Variants in COL23A1 observed in about 807,000 individuals in gnomAD.
COL23A1 encodes collagen type XXIII alpha 1 chain.
In COL23A1, 97 loss-of-function variants were observed where a neutral mutation model predicts 99.3. The observed-to-expected ratio is 0.98, with a 90% CI of 0.83 to 1.16. The LOEUF (loss-of-function observed/expected upper bound fraction) is 1.16, where lower values mean the gene tolerates loss of function less well. COL23A1 is among the 50% of genes most tolerant of loss of function. The probability of loss-of-function intolerance (pLI) is 0.00; values close to 1 mark genes in which losing one functional copy is unlikely to be tolerated. For missense variants in COL23A1, 762 were observed against 757.4 expected (o/e 1.01, Z -0.07); for synonymous variants, 320 against 308.2 (o/e 1.04, Z -0.40).
chr5:178,284,697 A>G (rs546807468), intron 5 of COL23A1, among the ~76,000 whole-genome samples: 14 of 152,348 alleles, frequency 9.2e-5, no homozygotes, highest in Non-Finnish European at 2.1e-4. Flanking sequence ...GATCAAATAC[A>G]ATGTAGCCAT....
chr5:178,541,595 C>A (rs1268440142), intron 2 of COL23A1, among the ~76,000 whole-genome samples: 1 of 152,156 alleles, frequency 6.6e-6, no homozygotes, highest in African/African-American at 2.4e-5. Flanking sequence ...GAACTATTTA[C>A]TAAACATAAC....
At chr5:178,530,594 T>A (rs1358257695) in intron 2 of COL23A1, among the ~76,000 whole-genome samples, 1 of 152,108 alleles carries the variant, frequency 6.6e-6, no homozygotes, top group Non-Finnish European at 1.5e-5. Flanking sequence ...CGATGCAGCC[T>A]CCTCCCAGCT....
chr5:178,581,565 CAAA>C (rs200146446), intron 1 of COL23A1, among the ~76,000 whole-genome samples: 4 of 110,714 alleles, frequency 3.6e-5, no homozygotes, highest in Non-Finnish European at 3.8e-5. Flanking sequence ...GATTCCGTCT[CAAA>C]AAAAAAAAAA....
At chr5:178,579,003 T>C (rs1349257306) in intron 1 of COL23A1, among the ~76,000 whole-genome samples, 5 of 152,160 alleles carry the variant, frequency 3.3e-5, no homozygotes, top group Non-Finnish European at 7.4e-5. Flanking sequence ...AACCAAAAAA[T>C]GGGGTCATGA....
At chr5:178,315,674 C>T (rs1038275689) in intron 2 of COL23A1, among the ~76,000 whole-genome samples, 2 of 151,570 alleles carry the variant, frequency 1.3e-5, no homozygotes, top group Non-Finnish European at 2.9e-5. Flanking sequence ...CCGGATCAGA[C>T]TGTCAGAGCT....
chr5:178,566,056 A>C (rs1397236590), intron 1 of COL23A1, among the ~76,000 whole-genome samples: 1 of 152,154 alleles, frequency 6.6e-6, no homozygotes, highest in East Asian at 1.9e-4. Context: ...TGAACCCGGA[A>C]GGCAGAGGTT....
At chr5:178,408,975 T>TACACACACACACAC (rs61457266) in intron 2 of COL23A1, among the ~76,000 whole-genome samples, 5 of 101,648 alleles carry the variant, frequency 4.9e-5, no homozygotes, top group African/African-American at 1.2e-4. Context: ...AAAAAAAAAA[T>TACACACACACACAC]ACACACACAC....
At chr5:178,420,422 T>G (rs1387259053) in intron 2 of COL23A1, among the ~76,000 whole-genome samples, 1 of 25,810 alleles carries the variant, frequency 3.9e-5, no homozygotes, top group Admixed American at 5.3e-4. Context: ...TGACCTCCCT[T>G]CTCCCCTCCC....
intron 22 of COL23A1, 78 bp from the exon 23 acceptor site, chr5:178,246,531 G>A: frequency 1.4e-6 from 2 of 1,419,320 alleles, no homozygotes; most frequent in East Asian, 5.0e-5. Context: ...GAGACTGCAA[G>A]GGAGCTGGGA....
chr5:178,265,366 T>C (rs73338889), intron 8 of COL23A1, among the ~76,000 whole-genome samples: 84 of 152,304 alleles, frequency 5.5e-4, no homozygotes, highest in African/African-American at 1.9e-3. Context: ...ATTCCTGTTT[T>C]AATTTGCACT....
chr5:178,583,398 C>CT (rs1246914106), intron 1 of COL23A1, among the ~76,000 whole-genome samples: 4 of 152,312 alleles, frequency 2.6e-5, no homozygotes, highest in African/African-American at 7.2e-5. Flanking sequence ...TCTCCCTTTT[C>CT]TTCCAATAAC....
At chr5:178,448,667 A>G (rs1243399837) in intron 2 of COL23A1, among the ~76,000 whole-genome samples, 2 of 152,228 alleles carry the variant, frequency 1.3e-5, no homozygotes, top group Non-Finnish European at 2.9e-5. Context: ...CACTCCAGCA[A>G]TAATGGCATT....
chr5:178,452,195 G>T (rs1272668822), intron 2 of COL23A1, among the ~76,000 whole-genome samples: 5 of 152,130 alleles, frequency 3.3e-5, no homozygotes, highest in Non-Finnish European at 5.9e-5. Context: ...TCCAAAAGTA[G>T]ACAAAACTGT....
chr5:178,446,459 G>C (rs1767163208), intron 2 of COL23A1, among the ~76,000 whole-genome samples: 1 of 151,898 alleles, frequency 6.6e-6, no homozygotes, highest in Non-Finnish European at 1.5e-5. Context: ...GAAAAAGCAA[G>C]ATTATATAGT....
At chr5:178,563,824 G>A (rs149196319) in intron 1 of COL23A1, among the ~76,000 whole-genome samples, 1 of 151,972 alleles carries the variant, frequency 6.6e-6, no homozygotes, top group Non-Finnish European at 1.5e-5. Context: ...GAGTCACCGC[G>A]CCCAGCCAGA....
rs1758553532 is a variant in COL23A1, at chr5:178,309,530, T to C, written c.362-2611A>G. Among the ~76,000 whole-genome samples, 1 of 152,104 alleles carries C rather than the reference T, an allele frequency of 6.6e-6. No homozygotes were observed. The highest frequency in any genetic ancestry group is 2.4e-5 in the African/African-American group (1 of 41,398). On this transcript the variant is annotated intron_variant, in intron 2 of 28. Coordinates refer to ENST00000390654, the MANE Select transcript of COL23A1 (RefSeq NM_173465.4). This position sits in a 1 kb window ranked among gnomAD's most constrained non-coding sequence, Gnocchi z 4.7. ...TGCTGGGGGCGCCATGTGACCGACT[T>C]GCAGATGGACAAGCGGTCTACCCTT...
intron 2 of COL23A1, among the ~76,000 whole-genome samples, chr5:178,337,060 C>G (rs911351141): frequency 1.3e-5 from 2 of 152,214 alleles, no homozygotes; most frequent in African/African-American, 4.8e-5. Flanking sequence ...CTGTCCCTGC[C>G]CCCTATTGGA....
intron 3 of COL23A1, among the ~76,000 whole-genome samples, chr5:178,291,239 G>A (rs538817598): frequency 3.3e-5 from 5 of 152,332 alleles, no homozygotes; most frequent in African/African-American, 1.2e-4. Flanking sequence ...GCAGCACCCG[G>A]CAGTCAGCGG....
At chr5:178,533,523 G>A (rs1231427400) in intron 2 of COL23A1, among the ~76,000 whole-genome samples, 2 of 151,978 alleles carry the variant, frequency 1.3e-5, no homozygotes, top group Admixed American at 6.6e-5. Flanking sequence ...TTTGAGACAC[G>A]GTCTCGCTCT....
Sources: allele counts gnomAD v4.1 joint callset (sites outside exome capture counted in the v4.1 genomes callset), GRCh38; gene constraint gnomAD v4.1.1; non-coding constraint Gnocchi (gnomAD v3.1); transcripts MANE v1.5; gene names NCBI Gene and HGNC (gene_info 2026-07-23, HGNC 2026-07-21).